HSPA14: variants seen among roughly 807,000 people sequenced by gnomAD.
HSPA14 encodes heat shock protein family A (Hsp70) member 14.
A neutral mutation model predicts 65.5 loss-of-function variants in HSPA14; 37 were observed. The observed-to-expected ratio is 0.56, with a 90% CI of 0.43 to 0.74. HSPA14 has a LOEUF of 0.74. Ranked by LOEUF, HSPA14 falls within the 30% of genes least tolerant of loss-of-function variation. The pLI, the probability that HSPA14 is intolerant of heterozygous loss-of-function variation, is 0.00. For missense variants in HSPA14, 564 were observed against 607.6 expected (o/e 0.93, Z 0.75); for synonymous variants, 203 against 214.2 (o/e 0.95, Z 0.46).
At chr10:14,853,896 T>G (rs538350608) in intron 8 of HSPA14, among the ~76,000 whole-genome samples, 4 of 152,116 alleles carry the variant, frequency 2.6e-5, no homozygotes, top group African/African-American at 4.8e-5. Flanking sequence ...ATTTTGTATT[T>G]TTAGTAGAGA....
chr10:14,844,551 A>G, intron 3 of HSPA14: 1 of 986,416 alleles, frequency 1.0e-6, no homozygotes, highest in Non-Finnish European at 1.2e-6. Flanking sequence ...TGTATCTGAC[A>G]TATCTACTAG....
At chr10:14,863,674 T>C (rs1832776319) in intron 10 of HSPA14, among the ~76,000 whole-genome samples, 1 of 152,196 alleles carries the variant, frequency 6.6e-6, no homozygotes, top group Non-Finnish European at 1.5e-5. Flanking sequence ...CTGTGTCTGC[T>C]GCTTCTCCCC....
intron 3 of HSPA14, chr10:14,846,925 T>C (rs962747838): frequency 1.7e-5 from 17 of 985,292 alleles, no homozygotes; most frequent in Non-Finnish European, 2.0e-5. Flanking sequence ...GTGCTATGTA[T>C]ACCAACTTCT....
At chr10:14,843,333 G>C (rs2131636327) in intron 3 of HSPA14, 1 of 1,549,900 alleles carries the variant, frequency 6.5e-7, no homozygotes, top group East Asian at 2.4e-5. Context: ...CCCTTAGCAG[G>C]AATGTTCTCT....
intron 1 of HSPA14, among the ~76,000 whole-genome samples, chr10:14,839,554 G>T (rs543291269): frequency 6.6e-6 from 1 of 150,482 alleles, no homozygotes. Flanking sequence ...CTGGGCCACG[G>T]AGCAAGACTC....
Position 14,842,006 on chromosome 10 carries a change from A to G in HSPA14, c.221+1849A>G, listed in dbSNP as rs1326456679. On this transcript the variant is annotated intron_variant, in intron 3 of 13. Coordinates refer to ENST00000378372, the MANE Select transcript of HSPA14 (RefSeq NM_016299.4). This position sits in a 1 kb window ranked among gnomAD's most constrained non-coding sequence, Gnocchi z 5.2. ...CCGTGTCTACCCTGGGTGAACTCCC[A>G]AAGTTGGGCTATCTCAGTCTTGGCC... 16 of 610,880 alleles carry G rather than the reference A, an allele frequency of 2.6e-5. No homozygotes were observed. The highest frequency in any genetic ancestry group is 2.0e-4 in the African/African-American group (11 of 54,562). The allele number at this position is 610,880 out of a possible 1,614,324, so 37.8% of individuals were successfully genotyped here.
chr10:14,843,436 T>C lies in HSPA14; in HGVS notation c.221+3279T>C, dbSNP rs1209668252. On this transcript the variant is annotated intron_variant, in intron 3 of 13. Transcript: ENST00000378372. Reference sequence around the variant, plus strand: ...CCTTTTCAGAGGTGCAGTTGCTCCCTGTCAGAGCAGCCCCATGGCCAGACT... The same window carrying C: ...CCTTTTCAGAGGTGCAGTTGCTCCCCGTCAGAGCAGCCCCATGGCCAGACT... The C allele has an allele frequency of 5.2e-6, 8 of 1,550,688 alleles. No homozygotes were observed. The East Asian group carries it at 1.7e-4, about 33-fold the overall frequency.
chr10:14,847,697 T>A (rs1359981410), intron 3 of HSPA14, among the ~76,000 whole-genome samples: 1 of 152,222 alleles, frequency 6.6e-6, no homozygotes, highest in Non-Finnish European at 1.5e-5. Context: ...AATTAGCCAC[T>A]ATTAATTTTC....
In HSPA14 at chr10:14,842,479, G is replaced by A; in HGVS notation, c.221+2322G>A. 1 of 1,536,142 alleles carries A rather than the reference G, an allele frequency of 6.5e-7. No homozygotes were observed. The highest frequency in any genetic ancestry group is 8.7e-7 in the Non-Finnish European group (1 of 1,146,924). On this transcript the variant is annotated intron_variant, in intron 3 of 13. Transcript: ENST00000378372. The surrounding 1 kb of genome is among the most constrained non-coding windows in gnomAD (Gnocchi z 5.2). The stretch of plus-strand genomic sequence containing the variant: ...GCACCGAACGTCAGTGCCGCTCCAA[G>A]TTTAAAGTTCTGAAGGCATTATATT...
Position 14,842,528 on chromosome 10 carries a change from A to G in HSPA14, c.221+2371A>G. The G allele has an allele frequency of 2.6e-6, 4 of 1,536,186 alleles. No homozygotes were observed. The highest frequency in any genetic ancestry group is 1.2e-5 in the South Asian group (1 of 84,068). Reference sequence around the variant, plus strand: ...TTTAAAGGCCTATGTTGCCCATGCCACAAGTATGGGTGAGCCACCACACTG... The same window carrying G: ...TTTAAAGGCCTATGTTGCCCATGCCGCAAGTATGGGTGAGCCACCACACTG... On this transcript the variant is annotated intron_variant, in intron 3 of 13. Transcript: ENST00000378372. This position sits in a 1 kb window ranked among gnomAD's most constrained non-coding sequence, Gnocchi z 5.2.
chr10:14,842,159 C>T lies in HSPA14; in HGVS notation c.221+2002C>T, dbSNP rs980203714. ...CCAGAAATGCGGTCCTTGGACCTGG[C>T]TTCTCAGCAATTATCCCTGAGAGGG... On this transcript the variant is annotated intron_variant, in intron 3 of 13. Coordinates refer to ENST00000378372, the MANE Select transcript of HSPA14 (RefSeq NM_016299.4). The surrounding 1 kb of genome is among the most constrained non-coding windows in gnomAD (Gnocchi z 5.2). 17 of 1,534,692 alleles carry T rather than the reference C, an allele frequency of 1.1e-5. No homozygotes were observed. In the Admixed American group the frequency reaches 3.3e-4, roughly 30 times the overall value.
chr10:14,844,605 T>C (rs998887071), intron 3 of HSPA14: 16 of 985,356 alleles, frequency 1.6e-5, no homozygotes, highest in Non-Finnish European at 1.8e-5. Context: ...TTCATTTTAC[T>C]GGTTCTTAGT....
intron 3 of HSPA14, among the ~76,000 whole-genome samples, chr10:14,847,248 A>G (rs1468427435): frequency 6.6e-6 from 1 of 152,208 alleles, no homozygotes; most frequent in Non-Finnish European, 1.5e-5. Flanking sequence ...GTGGTAGACA[A>G]CCTACGCACA....
chr10:14,849,349 T>C (rs969088651), intron 5 of HSPA14: 5 of 478,844 alleles, frequency 1.0e-5, no homozygotes, highest in Admixed American at 9.3e-5. Context: ...CCTGTAATGA[T>C]GTTAAGAACT....
At position 14,852,404 on chromosome 10, in the gene HSPA14, T is replaced by C. The variant is rs768039777; in HGVS notation, c.607T>C (p.Leu203=). The change falls in exon 8 of 14, where the codon TTA becomes CTA. Residue 203 remains leucine (L), a synonymous_variant. Coordinates refer to ENST00000378372, the MANE Select transcript of HSPA14 (RefSeq NM_016299.4). ...GGTGTTTAAGCTTGGAGGAACATCC[T>C]TATCTCTCAGCGTCATGGAAGTTAA... is the stretch of plus-strand genomic sequence containing the variant. ...ILVFKLGGTS[L]SLSVMEVNSG... is the part of the protein sequence containing the mutation. The C allele has an allele frequency of 6.2e-7, 1 of 1,613,900 alleles. No individual in the cohort carries two copies. The highest frequency in any genetic ancestry group is 8.5e-7 in the Non-Finnish European group (1 of 1,179,818).
intron 3 of HSPA14, among the ~76,000 whole-genome samples, chr10:14,843,165 C>T (rs953954307): frequency 1.3e-5 from 2 of 152,132 alleles, no homozygotes; most frequent in African/African-American, 4.8e-5. Context: ...CAAAGGGGTT[C>T]AGGAAGGCAA....
chr10:14,867,932 A>T (rs760614020), intron 12 of HSPA14, 23 bp downstream of exon 12: 2 of 1,585,208 alleles, frequency 1.3e-6, no homozygotes, highest in South Asian at 2.3e-5. Context: ...AGTTAGACAC[A>T]TTAAACTGTT....
intron 3 of HSPA14, chr10:14,846,852 A>C (rs1834061626): frequency 5.1e-6 from 5 of 985,316 alleles, no homozygotes; most frequent in Non-Finnish European, 6.0e-6. Flanking sequence ...TGGCATTGCT[A>C]ATAAAGGTTG....
At chr10:14,844,830 T>G in intron 3 of HSPA14, 1 of 985,492 alleles carries the variant, frequency 1.0e-6, no homozygotes. Flanking sequence ...CAATTCAGAT[T>G]ATATCAGTTT....
Sources: gnomAD v4.1 joint callset for allele counts (sites outside exome capture counted in the v4.1 genomes callset) on GRCh38, gnomAD v4.1.1 for gene constraint, Gnocchi (gnomAD v3.1) non-coding constraint, MANE v1.5 for transcripts, NCBI Gene and HGNC (gene_info 2026-07-23, HGNC 2026-07-21) for gene names.